Variants in P3H2 observed in about 807,000 individuals in gnomAD.
P3H2 encodes leprecan-like 1.
A neutral mutation model predicts 87.0 loss-of-function variants in P3H2; 80 were observed. The observed-to-expected ratio is 0.92, with a 90% CI of 0.77 to 1.11. The LOEUF (loss-of-function observed/expected upper bound fraction) is 1.11. P3H2 is among the 50% of genes least tolerant of loss of function. The probability of loss-of-function intolerance (pLI) is 0.00; values close to 1 mark genes in which losing one functional copy is unlikely to be tolerated. For synonymous variants in P3H2, 367 were observed against 359.3 expected, an observed-to-expected ratio of 1.02 and a Z score of -0.24; for missense variants, 1,001 against 923.9, an observed-to-expected ratio of 1.08 and a Z score of -1.08.
In P3H2 at chr3:190,120,798, C is replaced by T; in HGVS notation, c.-67G>A. On this transcript the variant is annotated 5_prime_UTR_variant, in exon 1 of 15. Coordinates refer to ENST00000319332, the MANE Select transcript of P3H2 (RefSeq NM_018192.4). Reference sequence around the variant, plus strand: ...GCTTCGGGGCACCTCGCGTCCGGGTCCCCTCTCCCACCTTCCCTCGGGGAA... The same window carrying T: ...GCTTCGGGGCACCTCGCGTCCGGGTTCCCTCTCCCACCTTCCCTCGGGGAA... 1 of 1,495,714 alleles carries T rather than the reference C, an allele frequency of 6.7e-7. No homozygotes were observed. The highest frequency in any genetic ancestry group is 1.2e-5 in the South Asian group (1 of 80,050). 92.7% of individuals were successfully genotyped at this position (1,495,714 alleles called of 1,614,324 possible).
chr3:190,082,005 G>A (rs1220727264), intron 1 of P3H2, among the ~76,000 whole-genome samples: 1 of 152,132 alleles, frequency 6.6e-6, no homozygotes, highest in Non-Finnish European at 1.5e-5. Context: ...TGTAATCCTA[G>A]CACTTTAGGA....
chr3:189,964,248 A>G (rs560645116), intron 13 of P3H2, 150 bp from the exon 14 acceptor site: 25 of 754,286 alleles, frequency 3.3e-5, no homozygotes, highest in African/African-American at 2.6e-4. Flanking sequence ...AATTATCTCA[A>G]TTTTCTCACC....
chr3:190,120,163 G>A, intron 1 of P3H2, 89 bp downstream of exon 1: 1 of 1,470,746 alleles, frequency 6.8e-7, no homozygotes, highest in Non-Finnish European at 9.3e-7. Flanking sequence ...TCGAAAGACT[G>A]AACAGAGATG....
intron 1 of P3H2, among the ~76,000 whole-genome samples, chr3:190,052,552 T>C (rs1240571092): frequency 1.3e-5 from 2 of 152,126 alleles, no homozygotes; most frequent in African/African-American, 2.4e-5. Flanking sequence ...AGCACTGTTC[T>C]CCATGAAGTA....
intron 14 of P3H2, among the ~76,000 whole-genome samples, chr3:189,962,698 T>G (rs1472261909): frequency 6.6e-6 from 1 of 152,208 alleles, no homozygotes; most frequent in Non-Finnish European, 1.5e-5. Flanking sequence ...ATAGCTCTTC[T>G]GTACAATAAA....
At chr3:189,987,908 A>C in intron 4 of P3H2, 1 of 540,000 alleles carries the variant, frequency 1.9e-6, no homozygotes, top group Non-Finnish European at 3.3e-6. Flanking sequence ...GCAAATCGTC[A>C]AGTTTCTATC....
chr3:190,059,084 G>A (rs917893739), intron 1 of P3H2, among the ~76,000 whole-genome samples: 2 of 152,156 alleles, frequency 1.3e-5, no homozygotes, highest in African/African-American at 4.8e-5. Flanking sequence ...GGACTACACA[G>A]AGGATGCAGA....
intron 1 of P3H2, among the ~76,000 whole-genome samples, chr3:190,035,761 T>C (rs1309016123): frequency 6.6e-6 from 1 of 152,194 alleles, no homozygotes; most frequent in Non-Finnish European, 1.5e-5. Flanking sequence ...AAAGGCTAAA[T>C]ACCTTCTGTT....
In P3H2 at chr3:189,994,301, G is replaced by A. The variant is rs1719598; in HGVS notation, c.634-18C>T. ...TAACTCTCCTGTAATGAAACAGACG[G>A]GAAAAAACAAACAAACAAACAAACA... On this transcript the variant is annotated intron_variant, in intron 2 of 14. Coordinates refer to ENST00000319332, the MANE Select transcript of P3H2 (RefSeq NM_018192.4). The A allele has an allele frequency of 0.78, 1,224,593 of 1,561,018 alleles. 482,357 individuals are homozygous for A. Among genetic ancestry groups the A allele is most frequent in the East Asian group, 0.93 (41,335 of 44,562 alleles).
chr3:189,969,823 T>C (rs1723115919), intron 13 of P3H2: 1 of 1,597,714 alleles, frequency 6.3e-7, no homozygotes, highest in African/African-American at 1.3e-5. Flanking sequence ...CACCAATTAT[T>C]CCAATCTTCA....
intron 8 of P3H2, among the ~76,000 whole-genome samples, chr3:189,977,031 T>C (rs1223254772): frequency 1.3e-5 from 2 of 152,178 alleles, no homozygotes; most frequent in African/African-American, 4.8e-5. Flanking sequence ...TAACATAATA[T>C]GCAGCAGTTT....
rs552170996 is a variant in P3H2, at chr3:190,016,567, G to A, written c.481-21125C>T. ...CCTGCTTATTTTATTTTTTAATCTGGCATGTGATTTGTGAAATGAATGCCA... is the reference window on the plus strand; with the variant it reads ...CCTGCTTATTTTATTTTTTAATCTGACATGTGATTTGTGAAATGAATGCCA... On this transcript the variant is annotated intron_variant, in intron 1 of 14. Coordinates refer to ENST00000319332, the MANE Select transcript of P3H2 (RefSeq NM_018192.4). 3.9e-5 allele frequency among the ~76,000 whole-genome samples: 6 copies of A among 152,206 alleles called. No individual in the cohort carries two copies. The East Asian group carries it at 1.2e-3, about 29-fold the overall frequency.
intron 13 of P3H2, among the ~76,000 whole-genome samples, chr3:189,965,000 C>T (rs1012435491): frequency 1.3e-5 from 2 of 152,180 alleles, no homozygotes; most frequent in Non-Finnish European, 2.9e-5. Context: ...TCCATTTTGT[C>T]TTTCTTGGGA....
At chr3:190,023,544 A>AACTC (rs1173080937) in intron 1 of P3H2, among the ~76,000 whole-genome samples, 1 of 152,296 alleles carries the variant, frequency 6.6e-6, no homozygotes. Context: ...ATCTTGTGAG[A>AACTC]ACTCACTATC....
rs1723163412 is a variant in P3H2 at position 189,971,027 on chromosome 3, TC to T, written c.1818-137del. On this transcript the variant is annotated intron_variant, in intron 12 of 14. Transcript: ENST00000319332. ...TTGAACTAGACATTGATATAATTGG[TC>T]CTCCAAACTCTTAAAGAGAAGATCA... 3 of 623,008 alleles carry T rather than the reference TC, an allele frequency of 4.8e-6. No individual in the cohort carries two copies. In the East Asian group the frequency reaches 8.3e-5, roughly 17 times the overall value. The allele number at this position is 623,008 out of a possible 1,614,324, so 38.6% of individuals were successfully genotyped here.
intron 1 of P3H2, among the ~76,000 whole-genome samples, chr3:190,037,768 T>C (rs1055797639): frequency 2.0e-5 from 3 of 149,874 alleles, no homozygotes; most frequent in African/African-American, 7.3e-5. Context: ...TTGCGCCTCC[T>C]TTATGTCACA....
intron 1 of P3H2, among the ~76,000 whole-genome samples, chr3:190,075,171 T>C (rs934436650): frequency 6.6e-6 from 1 of 152,186 alleles, no homozygotes; most frequent in Non-Finnish European, 1.5e-5. Flanking sequence ...ATGAAACTAA[T>C]AACTGTCATG....
Position 190,101,064 on chromosome 3 carries a change from C to G in P3H2, c.480+19188G>C, listed in dbSNP as rs1360931116. 2.6e-5 allele frequency among the ~76,000 whole-genome samples: 4 copies of G among 152,042 alleles called. 1 individual carries two copies. In the South Asian group the frequency reaches 6.2e-4, roughly 24 times the overall value. On this transcript the variant is annotated intron_variant, in intron 1 of 14. Coordinates refer to ENST00000319332, the MANE Select transcript of P3H2 (RefSeq NM_018192.4). ...TTGCAGCTGGTTCGGGCCCCACAAA[C>G]CATGCCCATATAAGATGGCAAACTT...
chr3:190,031,340 T>G lies in P3H2; in HGVS notation c.481-35898A>C, dbSNP rs1289026850. 3.4e-5 allele frequency among the ~76,000 whole-genome samples: 5 copies of G among 149,184 alleles called. No individual in the cohort carries two copies. The Admixed American group carries it at 3.4e-4, about 10-fold the overall frequency. On this transcript the variant is annotated intron_variant, in intron 1 of 14. Transcript: ENST00000319332. The stretch of plus-strand genomic sequence containing the variant: ...TTACATTATCATGTTAGAAAAAATA[T>G]TTTTAAAGAAGTGTATGCCGGGCAT...
Sources: gnomAD v4.1 joint callset for allele counts (sites outside exome capture counted in the v4.1 genomes callset) on GRCh38, gnomAD v4.1.1 for gene constraint, MANE v1.5 for transcripts, NCBI Gene and HGNC (gene_info 2026-07-23, HGNC 2026-07-21) for gene names.